The following CLCA4 variants were observed in gnomAD, a reference collection of about 807,000 sequenced individuals.
The protein encoded by CLCA4 is calcium-activated chloride channel regulator 4.
Under a neutral mutation model 78.9 loss-of-function variants are expected in CLCA4, and 69 were observed. That is an observed-to-expected ratio of 0.87 (90% CI 0.72 to 1.07). The LOEUF (loss-of-function observed/expected upper bound fraction) is 1.07, where lower values mean the gene tolerates loss of function less well. Ranked by LOEUF, CLCA4 falls within the 50% of genes least tolerant of loss-of-function variation. CLCA4 has a pLI of 0.00. For missense variants in CLCA4, 1,133 were observed against 1,095.8 expected, an observed-to-expected ratio of 1.03 and a Z score of -0.48; for synonymous variants, 362 against 375.8, an observed-to-expected ratio of 0.96 and a Z score of 0.42.
intron 5 of CLCA4, 25 bp from the exon 6 acceptor site, chr1:86,565,777 A>AT: frequency 1.5e-6 from 2 of 1,342,476 alleles, no homozygotes; most frequent in Non-Finnish European, 2.0e-6. Context: ...TATTAAAATT[A>AT]TTTTTTATTT....
At chr1:86,547,577 G>A (rs74535924) in intron 1 of CLCA4, among the ~76,000 whole-genome samples, 1,635 of 152,142 alleles carry the variant, frequency 0.011, 23 homozygotes, top group African/African-American at 0.038. Flanking sequence ...CTACATAACT[G>A]TGCTTTTGTA....
At chr1:86,549,744 G>A (rs1649603886) in intron 1 of CLCA4, among the ~76,000 whole-genome samples, 1 of 152,212 alleles carries the variant, frequency 6.6e-6, no homozygotes, top group Admixed American at 6.5e-5. Flanking sequence ...CACTTGGATT[G>A]AGAAGGGGAA....
chr1:86,579,353 G>A lies in CLCA4; in HGVS notation c.2123-1G>A, dbSNP rs538920048. 6.7e-5 allele frequency: 108 copies of A among 1,610,760 alleles called. No individual in the cohort carries two copies. Among genetic ancestry groups the A allele is most frequent in the Non-Finnish European group, 8.6e-5 (101 of 1,177,474 alleles). On this transcript the variant is annotated splice_acceptor_variant, in intron 12 of 13. Coordinates refer to ENST00000370563, the MANE Select transcript of CLCA4 (RefSeq NM_012128.4). LOFTEE classifies it high-confidence loss of function. Reference sequence around the variant, plus strand: ...TATAAACCAGGAAATGTTTAATGCAGGGGAAATTGAAGCAAACCCGCCAAG... The same window carrying A: ...TATAAACCAGGAAATGTTTAATGCAAGGGAAATTGAAGCAAACCCGCCAAG...
intron 2 of CLCA4, 62 bp from the exon 3 acceptor site, chr1:86,560,149 T>C: frequency 6.4e-7 from 1 of 1,565,922 alleles, no homozygotes; most frequent in Non-Finnish European, 8.6e-7. Flanking sequence ...TTTAAGAGTC[T>C]TTCTAACTGA....
chr1:86,548,684 GAA>G (rs10615856), intron 1 of CLCA4, among the ~76,000 whole-genome samples: 17,949 of 94,364 alleles, frequency 0.19, 1,538 homozygotes, highest in African/African-American at 0.3. Flanking sequence ...TCCCTCTCTG[GAA>G]AAAAAAAAAA....
rs151088476 is a variant in CLCA4 at position 86,551,073 on chromosome 1, C to T, written c.159+3795C>T. Among the ~76,000 whole-genome samples, 5,356 of 151,918 alleles carry T rather than the reference C, an allele frequency of 0.035. 668 individuals are homozygous for T. The East Asian group carries it at 0.43, about 12-fold the overall frequency. ...GTCTCAATCTCCTGACCTCGTGATC[C>T]GCCCGCCTCGGCCTCCCAAAGTGCT... On this transcript the variant is annotated intron_variant, in intron 1 of 13. Transcript: ENST00000370563.
Position 86,568,068 on chromosome 1 carries a change from CTATT to C in CLCA4, c.1182+422_1182+425del, listed in dbSNP as rs1179489540. On this transcript the variant is annotated intron_variant, in intron 7 of 13. Transcript: ENST00000370563. Reference sequence around the variant, plus strand: ...TTCTGTAACATTCAGCTAGGGCAAACTATTTATTATACCTCTTAAAGCAGATGTA... The same window carrying C: ...TTCTGTAACATTCAGCTAGGGCAAACTATTATACCTCTTAAAGCAGATGTA... Among the ~76,000 whole-genome samples, 4 of 151,928 alleles carry C rather than the reference CTATT, an allele frequency of 2.6e-5. No homozygotes were observed. The East Asian group carries it at 7.7e-4, about 29-fold the overall frequency.
Position 86,560,071 on chromosome 1 carries a change from ATGTAAG to A in CLCA4, c.300+3_300+8del, listed in dbSNP as rs1649969692. The stretch of plus-strand genomic sequence containing the variant: ...AGGCCAAAACATGAAAACCATAAAC[ATGTAAG>A]TGTCGAAATATTCTCTTAAAAAATT... On this transcript the variant is annotated splice_donor_variant and splice_donor_5th_base_variant and coding_sequence_variant and intron_variant, in exon 2 of 14. Transcript: ENST00000370563. LOFTEE classifies it high-confidence loss of function. 1.9e-6 allele frequency: 3 copies of A among 1,580,554 alleles called. No homozygotes were observed. The South Asian group carries it at 3.6e-5, about 19-fold the overall frequency.
intron 10 of CLCA4, 43 bp downstream of exon 10, chr1:86,574,798 A>C: frequency 2.1e-6 from 3 of 1,413,750 alleles, no homozygotes; most frequent in Non-Finnish European, 3.0e-6. Context: ...ATTTTTAAAA[A>C]ACTGAACATA....
chr1:86,555,516 G>C (rs989156959), intron 1 of CLCA4, among the ~76,000 whole-genome samples: 1 of 152,114 alleles, frequency 6.6e-6, no homozygotes, highest in South Asian at 2.1e-4. Flanking sequence ...TGGTGGATGT[G>C]CAGCCTTATT....
chr1:86,577,847 T>C, intron 11 of CLCA4, 55 bp from the exon 12 acceptor site: 2 of 1,532,024 alleles, frequency 1.3e-6, no homozygotes, highest in Admixed American at 3.8e-5. Context: ...TTGCTTGTCT[T>C]AGAAAATGCA....
At chr1:86,554,837 C>G (rs1398794666) in intron 1 of CLCA4, among the ~76,000 whole-genome samples, 3 of 151,490 alleles carry the variant, frequency 2.0e-5, no homozygotes. Context: ...GTTCCCTTTT[C>G]TCCTCAACCT....
chr1:86,550,994 G>A (rs1012251266), intron 1 of CLCA4, among the ~76,000 whole-genome samples: 1 of 151,674 alleles, frequency 6.6e-6, no homozygotes, highest in South Asian at 2.1e-4. Flanking sequence ...ACCACGCCCC[G>A]CTAATTTTTT....
At chr1:86,571,475 A>G in intron 8 of CLCA4, 1 of 406,070 alleles carries the variant, frequency 2.5e-6, no homozygotes, top group Non-Finnish European at 4.4e-6. Flanking sequence ...TAACAGGAGG[A>G]ATATAGAAAA....
intron 1 of CLCA4, among the ~76,000 whole-genome samples, chr1:86,558,851 C>T (rs969800980): frequency 3.5e-4 from 54 of 152,168 alleles, no homozygotes; most frequent in African/African-American, 1.2e-3. Context: ...GATGGGGACA[C>T]AGTGAAACCA....
chr1:86,567,721 T>G (rs1419669313), intron 7 of CLCA4, 70 bp downstream of exon 7: 1 of 1,183,864 alleles, frequency 8.4e-7, no homozygotes, highest in Non-Finnish European at 1.2e-6. Context: ...TAAGTGGTAC[T>G]GCACATGCTT....
chr1:86,552,966 G>C, intron 1 of CLCA4: 1 of 632,108 alleles, frequency 1.6e-6, no homozygotes, highest in South Asian at 1.8e-5. Context: ...CTGGGCAAAG[G>C]TTAGAAACTG....
At chr1:86,570,985 T>C (rs1400047319) in intron 7 of CLCA4, 92 bp from the exon 8 acceptor site, 1 of 907,052 alleles carries the variant, frequency 1.1e-6, no homozygotes. Flanking sequence ...CATAACTTTG[T>C]TTATTTTCTC....
Position 86,552,813 on chromosome 1 carries a change from C to T in CLCA4, c.159+5535C>T, listed in dbSNP as rs1290331572. The stretch of plus-strand genomic sequence containing the variant: ...TGTCCACGCCTGAAAACAGCTCTTC[C>T]ATGTAGCGGGGGATTTTAGTCTCCA... On this transcript the variant is annotated intron_variant, in intron 1 of 13. Transcript: ENST00000370563. The T allele has an allele frequency of 4.1e-6, 4 of 985,984 alleles. No individual in the cohort carries two copies. The African/African-American group carries it at 6.4e-5, about 16-fold the overall frequency. 61.1% of individuals were successfully genotyped at this position (985,984 alleles called of 1,614,324 possible).
Sources: gnomAD v4.1 joint callset for allele counts (sites outside exome capture counted in the v4.1 genomes callset) on GRCh38, gnomAD v4.1.1 for gene constraint, MANE v1.5 for transcripts, NCBI Gene and HGNC (gene_info 2026-07-23, HGNC 2026-07-21) for gene names.